Variants in CDH12 observed in about 807,000 individuals in gnomAD.
CDH12 encodes cadherin-12.
CDH12 carries 41 observed loss-of-function variants against 74.1 expected under a neutral mutation model. The observed-to-expected ratio is 0.55, with a 90% CI of 0.43 to 0.72. The LOEUF is 0.72. Ranked by LOEUF, CDH12 falls within the 30% of genes least tolerant of loss-of-function variation. CDH12 has a pLI of 0.00. For missense variants in CDH12, 945 were observed against 977.2 expected (o/e 0.97, Z 0.44); for synonymous variants, 399 against 355.0 (o/e 1.12, Z -1.39).
intron 1 of CDH12, among the ~76,000 whole-genome samples, chr5:22,673,895 G>A (rs529643427): frequency 1.3e-5 from 2 of 152,124 alleles, no homozygotes; most frequent in East Asian, 1.9e-4. Flanking sequence ...GAGCAAGTAA[G>A]TTCACAAAAA....
intron 4 of CDH12, among the ~76,000 whole-genome samples, chr5:22,087,359 G>T (rs1019711547): frequency 1.3e-5 from 2 of 152,112 alleles, no homozygotes; most frequent in East Asian, 1.9e-4. Flanking sequence ...GGGAAAAAAG[G>T]TCGGGTGTGA....
intron 6 of CDH12, among the ~76,000 whole-genome samples, chr5:21,968,000 G>A (rs944766289): frequency 7.9e-5 from 12 of 152,158 alleles, no homozygotes; most frequent in Middle Eastern, 3.2e-3. Context: ...AGGTAAAGGC[G>A]TCCTCTACAC....
chr5:22,029,081 C>A (rs978256359), intron 5 of CDH12, among the ~76,000 whole-genome samples: 2 of 152,128 alleles, frequency 1.3e-5, no homozygotes, highest in Non-Finnish European at 2.9e-5. Flanking sequence ...GAAACTGGAT[C>A]CCTTCCATAC....
At chr5:22,650,420 T>G (rs1163377363) in intron 1 of CDH12, among the ~76,000 whole-genome samples, 1 of 152,054 alleles carries the variant, frequency 6.6e-6, no homozygotes, top group Non-Finnish European at 1.5e-5. Flanking sequence ...CTTGGAAATA[T>G]TAGAGATTTA....
At chr5:22,683,671 C>A (rs927443349) in intron 1 of CDH12, among the ~76,000 whole-genome samples, 1 of 152,140 alleles carries the variant, frequency 6.6e-6, no homozygotes, top group Non-Finnish European at 1.5e-5. Context: ...TCCTTTCTTT[C>A]CTTTATATCA....
chr5:22,190,866 A>G (rs1385800486), intron 4 of CDH12, among the ~76,000 whole-genome samples: 3 of 152,206 alleles, frequency 2.0e-5, no homozygotes, highest in Admixed American at 6.5e-5. Flanking sequence ...CACTCCCACA[A>G]CTGGCGCATG....
intron 1 of CDH12, among the ~76,000 whole-genome samples, chr5:22,681,455 T>G (rs1407878135): frequency 6.6e-6 from 1 of 151,974 alleles, no homozygotes; most frequent in Non-Finnish European, 1.5e-5. Context: ...AGGTAATTAG[T>G]GGAGATCATT....
intron 1 of CDH12, among the ~76,000 whole-genome samples, chr5:22,805,580 C>A (rs1184308105): frequency 1.3e-5 from 2 of 151,710 alleles, no homozygotes; most frequent in Non-Finnish European, 2.9e-5. Context: ...TTATTATATC[C>A]TTTTGGGTAA....
At chr5:22,082,704 G>C (rs990543260) in intron 4 of CDH12, among the ~76,000 whole-genome samples, 4 of 152,172 alleles carry the variant, frequency 2.6e-5, no homozygotes, top group African/African-American at 9.7e-5. Flanking sequence ...CACATAAACA[G>C]TTTGCATCAG....
chr5:22,155,202 T>C (rs919946924), intron 4 of CDH12, among the ~76,000 whole-genome samples: 7 of 152,136 alleles, frequency 4.6e-5, no homozygotes, highest in Non-Finnish European at 8.8e-5. Context: ...AATTGTGCTC[T>C]ATTTTAAGGT....
At chr5:22,097,069 C>G (rs1220754933) in intron 4 of CDH12, among the ~76,000 whole-genome samples, 1 of 152,190 alleles carries the variant, frequency 6.6e-6, no homozygotes, top group Non-Finnish European at 1.5e-5. Flanking sequence ...GCCTGAACCG[C>G]AGCTGCCAGA....
chr5:21,980,652 G>C (rs947865707), intron 5 of CDH12, among the ~76,000 whole-genome samples: 4 of 152,068 alleles, frequency 2.6e-5, no homozygotes, highest in African/African-American at 9.7e-5. Context: ...TTTTGTGTAT[G>C]TGTGGGGTTT....
intron 1 of CDH12, among the ~76,000 whole-genome samples, chr5:22,682,788 T>A (rs1741564025): frequency 6.6e-6 from 1 of 152,018 alleles, no homozygotes; most frequent in African/African-American, 2.4e-5. Context: ...CATTAAAACC[T>A]TCCTCCCCTC....
At chr5:22,370,822 G>T (rs556601695) in intron 3 of CDH12, among the ~76,000 whole-genome samples, 2 of 152,236 alleles carry the variant, frequency 1.3e-5, no homozygotes, top group South Asian at 2.1e-4. Flanking sequence ...AACCTGACCT[G>T]TTCTGCCTTC....
chr5:22,279,597 A>G (rs998526728), intron 3 of CDH12, among the ~76,000 whole-genome samples: 15 of 152,036 alleles, frequency 9.9e-5, no homozygotes, highest in Admixed American at 5.2e-4. Flanking sequence ...TCATTGCTCA[A>G]TTCCCACCTA....
intron 1 of CDH12, among the ~76,000 whole-genome samples, chr5:22,774,529 C>T (rs533924808): frequency 3.3e-5 from 5 of 152,138 alleles, no homozygotes; most frequent in Non-Finnish European, 7.4e-5. Flanking sequence ...TCATGGGGGG[C>T]AAGTCTTTCC....
At chr5:22,333,939 CA>C (rs1327528679) in intron 3 of CDH12, among the ~76,000 whole-genome samples, 1 of 152,086 alleles carries the variant, frequency 6.6e-6, no homozygotes, top group Admixed American at 6.6e-5. Context: ...CCTGTAATGA[CA>C]AAAACCCTTT....
intron 6 of CDH12, among the ~76,000 whole-genome samples, chr5:21,885,489 T>A (rs1289898954): frequency 6.6e-6 from 1 of 152,198 alleles, no homozygotes; most frequent in African/African-American, 2.4e-5. Context: ...ACTCTTTCAA[T>A]AAAGGATTCA....
At chr5:22,597,677 C>T (rs188032228) in intron 1 of CDH12, among the ~76,000 whole-genome samples, 15 of 152,018 alleles carry the variant, frequency 9.9e-5, no homozygotes, top group Non-Finnish European at 1.5e-4. Context: ...TAGAAGTGTG[C>T]CTTACCTATA....
Sources: gnomAD v4.1 joint callset for allele counts (sites outside exome capture counted in the v4.1 genomes callset) on GRCh38, gnomAD v4.1.1 for gene constraint, MANE v1.5 for transcripts, NCBI Gene and HGNC (gene_info 2026-07-23, HGNC 2026-07-21) for gene names.